Variants in MAGEA6 observed in about 807,000 individuals in gnomAD.
The protein encoded by MAGEA6 is MAGE family member A6.
For missense variants in MAGEA6, 281 were observed against 231.4 expected (o/e 1.21, Z -1.39); for synonymous variants, 100 against 98.8 (o/e 1.01, Z -0.07).
At chrX:152,767,762 G>T (rs1932762341) in intron 2 of MAGEA6, 34 bp downstream of exon 2, 2 of 349,646 alleles carry the variant, frequency 5.7e-6, no homozygotes, top group Non-Finnish European at 5.3e-6. Context: ...AGTACTGAAT[G>T]GAACCTTGGA....
At position 152,767,024 on chromosome X, in the gene MAGEA6, G is replaced by A. The variant is rs186907646; in HGVS notation, c.627C>T (p.Ile209=). The change falls in exon 3 of 3, where the codon ATC becomes ATT. Residue 209 remains isoleucine, a synonymous_variant. Coordinates refer to ENST00000329342, the MANE Select transcript of MAGEA6 (RefSeq NM_005363.5). ...TGFLIIILAI[I]AKEGDCAPEE... is the part of the protein sequence containing the mutation. ...CAGGGGCACAGTCGCCCTCTTTTGC[G>A]ATTATGGCCAGGATGATTATCAGGA... 1,404 of 1,208,913 alleles carry A rather than the reference G, an allele frequency of 1.2e-3. 3 individuals carry two copies. Among genetic ancestry groups the A allele is most frequent in the Non-Finnish European group, 1.5e-3 (1,310 of 894,437 alleles).
chrX:152,766,980 T>C lies in MAGEA6; in HGVS notation c.671A>G (p.Glu224Gly). ...DCAPEEKIWEELSVLEVFEGR... is the reference protein window; with the variant it reads ...DCAPEEKIWEGLSVLEVFEGR... ...CTCAAACACCTCTAACACACTCAGC[T>C]CCTCCCAGATTTTCTCCTCAGGGGC... The change falls in exon 3 of 3, where the codon GAG becomes GGG. Residue 224 changes from glutamate to glycine, a missense_variant. Physicochemically the swap from Glu to Gly is moderately conservative, Grantham distance 98 (BLOSUM62 -2). Coordinates refer to ENST00000329342, the MANE Select transcript of MAGEA6 (RefSeq NM_005363.5). The C allele has an allele frequency of 8.3e-7, 1 of 1,210,377 alleles. No homozygotes were observed. Among genetic ancestry groups the C allele is most frequent in the Non-Finnish European group, 1.1e-6 (1 of 894,637 alleles).
chrX:152,767,214 A>C lies in MAGEA6; in HGVS notation c.437T>G (p.Phe146Cys). Residue 146 changes from phenylalanine (F) to cysteine (C), a missense_variant, in exon 3 of 3, where the codon TTC (phenylalanine) becomes TGC (cysteine). Physicochemically the swap from Phe to Cys is radical, Grantham distance 205. Transcript: ENST00000329342. ...LGSVVGNWQY[F>C]FPVIFSKASD... ...AGCTTTGCTGAAGATCACAGGAAAG[A>C]AGTACTGCCAATTTCCGACGACACT... The C allele has an allele frequency of 8.3e-7, 1 of 1,210,467 alleles. No homozygotes were observed. The highest frequency in any genetic ancestry group is 1.1e-6 in the Non-Finnish European group (1 of 894,647).
Position 152,767,086 on chromosome X carries a change from G to A in MAGEA6, c.565C>T (p.Leu189=). ...ATCLGLSYDG[L]LGDNQIMPKT... is the part of the protein sequence containing the mutation. ...GGCATGATCTGATTGTCACCCAGCA[G>A]GCCATCGTAGGAGAGGCCCAGGCAG... The change falls in exon 3 of 3, where the codon CTG becomes TTG. Residue 189 remains leucine (L), a synonymous_variant. Coordinates refer to ENST00000329342, the MANE Select transcript of MAGEA6 (RefSeq NM_005363.5). 5 of 1,210,868 alleles carry A rather than the reference G, an allele frequency of 4.1e-6. No individual in the cohort carries two copies. The highest frequency in any genetic ancestry group is 4.5e-6 in the Non-Finnish European group (4 of 894,783).
At position 152,767,314 on chromosome X, in the gene MAGEA6, C is replaced by A. The variant is rs782444112; in HGVS notation, c.337G>T (p.Val113Leu). The A allele has an allele frequency of 3.4e-5, 41 of 1,208,188 alleles. No homozygotes were observed. The African/African-American group carries it at 6.0e-4, about 18-fold the overall frequency. ...SEFQAALSRK[V>L]AKLVHFLLLK... ...AGCAGAAAATGAACCAACTTGGCCACCTTCCTACTGAGTGCTGCTTGGAAC... is the reference window on the plus strand; with the variant it reads ...AGCAGAAAATGAACCAACTTGGCCAACTTCCTACTGAGTGCTGCTTGGAAC... Residue 113 changes from valine (V) to leucine (L), a missense_variant, in exon 3 of 3, where the codon GTG becomes TTG. Coordinates refer to ENST00000329342, the MANE Select transcript of MAGEA6 (RefSeq NM_005363.5).
Position 152,766,734 on chromosome X carries a change from T to G in MAGEA6, c.917A>C (p.Glu306Ala). The G allele has an allele frequency of 8.3e-7, 1 of 1,209,903 alleles. No individual in the cohort carries two copies. The highest frequency in any genetic ancestry group is 1.1e-6 in the Non-Finnish European group (1 of 894,411). Residue 306 changes from glutamate (E) to alanine (A), a missense_variant, in exon 3 of 3, where the codon GAG becomes GCG. Transcript: ENST00000329342. ...CTCTTCCCCCTCTCTCAAAGCCCAC[T>G]CATGCAGGAGTGGGTAGGAAATGCG... ...GPRISYPLLH[E>A]WALREGEE
rs1932751378 is a variant in MAGEA6, at chrX:152,767,156, C to G, written c.495G>C (p.Glu165Asp). ...GGCCGATGGGGTCCACTTCCATCAG[C>G]TCGATGCCAAAGACCAGCTGCAAGG... ...SDSLQLVFGI[E>D]LMEVDPIGHV... Residue 165 changes from glutamate to aspartate, a missense_variant, in exon 3 of 3, where the codon GAG (glutamate) becomes GAC (aspartate). Glu to Asp is a conservative substitution (Grantham distance 45). Transcript: ENST00000329342. The G allele has an allele frequency of 5.0e-6, 6 of 1,210,919 alleles. No homozygotes were observed. Among genetic ancestry groups the G allele is most frequent in the African/African-American group, 1.7e-5 (1 of 57,780 alleles).
rs2124947741 is a variant in MAGEA6, at chrX:152,766,802, A to G, written c.849T>C (p.Tyr283=). 4 of 1,210,851 alleles carry G rather than the reference A, an allele frequency of 3.3e-6. No individual in the cohort carries two copies. The East Asian group carries it at 1.2e-4, about 36-fold the overall frequency. The change falls in exon 3 of 3, where the codon TAT becomes TAC. Residue 283 remains tyrosine (Y), a synonymous_variant. Coordinates refer to ENST00000329342, the MANE Select transcript of MAGEA6 (RefSeq NM_005363.5). ...TTACCATATGGTGCAGGACTTTCAC[A>G]TAGCTGGTTTCAATGAGGGCCCTTG... ...WGPRALIETS[Y]VKVLHHMVKI...
In MAGEA6 at chrX:152,767,451, C is replaced by A; in HGVS notation, c.200G>T (p.Gly67Val). Residue 67 changes from glycine to valine, a missense_variant, in exon 3 of 3, where the codon GGA (glycine) becomes GTA (valine). Gly to Val is a moderately radical substitution (Grantham distance 109, BLOSUM62 -3). Transcript: ENST00000329342. The part of the protein sequence containing the change: ...ESPDPPQSPQ[G>V]ASSLPTTMNY... ...CATGGTAGTGGGGAGGCTGGAGGCT[C>A]CCTGAGGACTCTGGGGAGGATCTGG... 8.4e-7 allele frequency: 1 copy of A among 1,183,553 alleles called. No individual in the cohort carries two copies. The highest frequency in any genetic ancestry group is 1.1e-6 in the Non-Finnish European group (1 of 882,061).
rs782490656 is a variant in MAGEA6 at position 152,767,087 on chromosome X, G to A, written c.564C>T (p.Gly188=). 6.6e-6 allele frequency: 8 copies of A among 1,210,856 alleles called. No individual in the cohort carries two copies. The Admixed American group carries it at 8.7e-5, about 13-fold the overall frequency. ...FATCLGLSYD[G]LLGDNQIMPK... ...GCATGATCTGATTGTCACCCAGCAG[G>A]CCATCGTAGGAGAGGCCCAGGCAGG... is the stretch of plus-strand genomic sequence containing the variant. Residue 188 remains glycine (G), a synonymous_variant, in exon 3 of 3, where the codon GGC becomes GGT. Transcript: ENST00000329342.
Position 152,766,996 on chromosome X carries a change from C to T in MAGEA6, c.655G>A (p.Glu219Lys). The change falls in exon 3 of 3, where the codon GAG (glutamate) becomes AAG (lysine). Residue 219 changes from glutamate to lysine, a missense_variant. Glu to Lys is a moderately conservative substitution (Grantham distance 56, BLOSUM62 1). Coordinates refer to ENST00000329342, the MANE Select transcript of MAGEA6 (RefSeq NM_005363.5). The part of the protein sequence containing the change: ...IAKEGDCAPE[E>K]KIWEELSVLE... Reference sequence around the variant, plus strand: ...ACACTCAGCTCCTCCCAGATTTTCTCCTCAGGGGCACAGTCGCCCTCTTTT... The same window carrying T: ...ACACTCAGCTCCTCCCAGATTTTCTTCTCAGGGGCACAGTCGCCCTCTTTT... The T allele has an allele frequency of 1.7e-6, 2 of 1,210,965 alleles. No individual in the cohort carries two copies. The highest frequency in any genetic ancestry group is 2.2e-6 in the Non-Finnish European group (2 of 894,783).
At position 152,766,651 on chromosome X, in the gene MAGEA6, G is replaced by A. The variant is rs1932722712; in HGVS notation, c.*55C>T. The A allele has an allele frequency of 8.6e-7, 1 of 1,160,149 alleles. No homozygotes were observed. Among genetic ancestry groups the A allele is most frequent in the Non-Finnish European group, 1.2e-6 (1 of 863,492 alleles). ...GAAACTAAGGGATGGGGCCCCGGAAGGTGCACTGGCCCAAACCCCCTCCCA... is the reference window on the plus strand; with the variant it reads ...GAAACTAAGGGATGGGGCCCCGGAAAGTGCACTGGCCCAAACCCCCTCCCA... On this transcript the variant is annotated 3_prime_UTR_variant, in exon 3 of 3. Coordinates refer to ENST00000329342, the MANE Select transcript of MAGEA6 (RefSeq NM_005363.5).
chrX:152,766,404 T>A lies in MAGEA6; in HGVS notation c.*302A>T. 2.6e-6 allele frequency: 1 copy of A among 388,241 alleles called. No homozygotes were observed. The highest frequency in any genetic ancestry group is 3.3e-5 in the South Asian group (1 of 30,344). The allele number at this position is 388,241 out of a possible 1,213,427, so 32.0% of individuals were successfully genotyped here. The stretch of plus-strand genomic sequence containing the variant: ...CAATCTGAATAAAAAACAAGACTCT[T>A]ACTCCTAAACTATATAAACAGCACT... On this transcript the variant is annotated 3_prime_UTR_variant, in exon 3 of 3. Transcript: ENST00000329342.
rs2124947340 is a variant in MAGEA6 at position 152,766,866 on chromosome X, G to A, written c.785C>T (p.Pro262Leu). The A allele has an allele frequency of 8.3e-7, 1 of 1,210,778 alleles. No homozygotes were observed. Among genetic ancestry groups the A allele is most frequent in the South Asian group, 1.8e-5 (1 of 56,870 alleles). ...QENYLEYRQV[P>L]GSDPACYEFL... ...CTCATAGCATGCAGGATCACTGCCG[G>A]GGACCTGCCGGTACTCCAGGTAGTT... Residue 262 changes from proline (P) to leucine (L), a missense_variant, in exon 3 of 3, where the codon CCC becomes CTC. Physicochemically the swap from Pro to Leu is moderately conservative, Grantham distance 98. Transcript: ENST00000329342.
Sources: allele counts gnomAD v4.1 joint callset, GRCh38; gene constraint gnomAD v4.1.1; transcripts MANE v1.5; gene names NCBI Gene and HGNC (gene_info 2026-07-23, HGNC 2026-07-21).